Variants in CSGALNACT1 observed in about 807,000 individuals in gnomAD.
CSGALNACT1 encodes the protein chondroitin sulfate N-acetylgalactosaminyltransferase 1.
In CSGALNACT1, 52 loss-of-function variants were observed where a neutral mutation model predicts 51.0. The observed-to-expected ratio is 1.02, with a 90% CI of 0.82 to 1.29. The LOEUF (loss-of-function observed/expected upper bound fraction) is 1.29, where lower values mean the gene tolerates loss of function less well. Among genes scored for constraint, CSGALNACT1 ranks in the 50% most tolerant of loss-of-function variants. The pLI, the probability that CSGALNACT1 is intolerant of heterozygous loss-of-function variation, is 0.00. For synonymous variants in CSGALNACT1, 341 were observed against 254.4 expected, an observed-to-expected ratio of 1.34 and a Z score of -3.24; for missense variants, 935 against 679.2, an observed-to-expected ratio of 1.38 and a Z score of -4.19.
intron 1 of CSGALNACT1, among the ~76,000 whole-genome samples, chr8:19,694,416 A>G (rs555679620): frequency 1.3e-5 from 2 of 152,334 alleles, no homozygotes; most frequent in African/African-American, 4.8e-5. Context: ...TTAACAACCA[A>G]CCTTAGAAAG....
At chr8:19,554,460 T>C (rs995866554) in intron 3 of CSGALNACT1, among the ~76,000 whole-genome samples, 1 of 152,090 alleles carries the variant, frequency 6.6e-6, no homozygotes, top group Admixed American at 6.5e-5. Flanking sequence ...CACCTCTGGG[T>C]AATGAAGGAA....
intron 1 of CSGALNACT1, among the ~76,000 whole-genome samples, chr8:19,638,132 C>T (rs2154174603): frequency 6.6e-6 from 1 of 152,266 alleles, no homozygotes; most frequent in East Asian, 1.9e-4. Flanking sequence ...CTAGGAGACT[C>T]ATTTCTAGCT....
chr8:19,629,626 C>T (rs951473226), intron 1 of CSGALNACT1, among the ~76,000 whole-genome samples: 1 of 152,132 alleles, frequency 6.6e-6, no homozygotes, highest in African/African-American at 2.4e-5. Flanking sequence ...TGACACCAGC[C>T]CCCTACTCCA....
rs528554479 is a variant in CSGALNACT1 at position 19,576,358 on chromosome 8, A to G, written c.-297+14802T>C. On this transcript the variant is annotated intron_variant, in intron 3 of 9. Transcript: ENST00000454498. Reference sequence around the variant, plus strand: ...TACAGGCACACCTTCACACCTGGCTAATTTTTGTATTTTTAGTAGAGACGG... The same window carrying G: ...TACAGGCACACCTTCACACCTGGCTGATTTTTGTATTTTTAGTAGAGACGG... Among the ~76,000 whole-genome samples, 3 of 152,012 alleles carry G rather than the reference A, an allele frequency of 2.0e-5. No homozygotes were observed. In the East Asian group the frequency reaches 5.8e-4, roughly 29 times the overall value.
At chr8:19,644,100 A>C (rs562955746) in intron 1 of CSGALNACT1, among the ~76,000 whole-genome samples, 1 of 152,208 alleles carries the variant, frequency 6.6e-6, no homozygotes, top group African/African-American at 2.4e-5. Flanking sequence ...TCTAACATTA[A>C]AATTATGTTT....
At chr8:19,546,261 TG>T (rs1426533599) in intron 3 of CSGALNACT1, among the ~76,000 whole-genome samples, 1 of 152,216 alleles carries the variant, frequency 6.6e-6, no homozygotes, top group East Asian at 1.9e-4. Context: ...ATCGTGTTTT[TG>T]TAAGTAAGTT....
intron 6 of CSGALNACT1, among the ~76,000 whole-genome samples, chr8:19,421,342 C>G (rs1410245084): frequency 6.6e-6 from 1 of 152,238 alleles, no homozygotes; most frequent in Non-Finnish European, 1.5e-5. Flanking sequence ...ATTCGTTGTT[C>G]TTTCCCAGGG....
chr8:19,668,431 AATT>A (rs1438169445), intron 1 of CSGALNACT1, among the ~76,000 whole-genome samples: 1 of 152,260 alleles, frequency 6.6e-6, no homozygotes, highest in Non-Finnish European at 1.5e-5. Flanking sequence ...AAAACTAAAA[AATT>A]ATTAAGAAGT....
At chr8:19,429,825 C>A (rs2059377191) in intron 6 of CSGALNACT1, among the ~76,000 whole-genome samples, 1 of 152,192 alleles carries the variant, frequency 6.6e-6, no homozygotes, top group South Asian at 2.1e-4. Context: ...AGTGGCTGCA[C>A]CATTTTTCAT....
At chr8:19,711,548 C>T (rs2062504729) in intron 1 of CSGALNACT1, among the ~76,000 whole-genome samples, 1 of 152,174 alleles carries the variant, frequency 6.6e-6, no homozygotes, top group Admixed American at 6.6e-5. Context: ...GTATAACCCC[C>T]TAAATCAGCA....
upstream of CSGALNACT1, among the ~76,000 whole-genome samples, chr8:19,686,534 C>A (rs1453079631): frequency 1.3e-5 from 2 of 151,566 alleles, no homozygotes; most frequent in African/African-American, 2.4e-5. Context: ...TGTGCCTAGG[C>A]AGAGCCAATG....
At chr8:19,474,869 G>GAAA (rs10683237) in intron 4 of CSGALNACT1, among the ~76,000 whole-genome samples, 57,469 of 85,700 alleles carry the variant, frequency 0.67, 18,602 homozygotes, top group East Asian at 0.76. Flanking sequence ...CTCTGTCTCA[G>GAAA]AAAAAAAAAA....
chr8:19,577,102 AAAG>A (rs574619882), intron 3 of CSGALNACT1, among the ~76,000 whole-genome samples: 42 of 152,246 alleles, frequency 2.8e-4, no homozygotes, highest in African/African-American at 9.6e-4. Flanking sequence ...ATTCACAAAG[AAAG>A]AAGATCTCCT....
chr8:19,530,460 T>A (rs1170791309), intron 3 of CSGALNACT1, among the ~76,000 whole-genome samples: 1 of 152,244 alleles, frequency 6.6e-6, no homozygotes, highest in Admixed American at 6.5e-5. Context: ...TTTGCATTTA[T>A]GACTTAGTCT....
intron 5 of CSGALNACT1, among the ~76,000 whole-genome samples, chr8:19,452,545 C>T (rs1354844528): frequency 6.6e-6 from 1 of 152,076 alleles, no homozygotes; most frequent in African/African-American, 2.4e-5. Flanking sequence ...GAGCTGATGA[C>T]ATATATGCAT....
In CSGALNACT1 at chr8:19,745,404, C is replaced by T. The variant is rs10107191; in HGVS notation, c.-297+12446G>A. ...GTACATTTGGTTTTTGATACATGCT[C>T]ACAATGTGTAAATTATCAAATCAAG... is the stretch of plus-strand genomic sequence containing the variant. On this transcript the variant is annotated intron_variant, in intron 1 of 1. Coordinates refer to the CSGALNACT1 transcript ENST00000517494. Among the ~76,000 whole-genome samples, 865 of 152,268 alleles carry T rather than the reference C, an allele frequency of 5.7e-3. 5 individuals carry two copies. Among genetic ancestry groups the T allele is most frequent in the African/African-American group, 0.02 (820 of 41,548 alleles).
At chr8:19,676,777 TC>T (rs1320197169) in intron 1 of CSGALNACT1, among the ~76,000 whole-genome samples, 1 of 152,072 alleles carries the variant, frequency 6.6e-6, no homozygotes, top group Non-Finnish European at 1.5e-5. Context: ...AGAGAAACCA[TC>T]AACCCAGACA....
chr8:19,453,250 T>G (rs1445196129), intron 5 of CSGALNACT1, among the ~76,000 whole-genome samples: 1 of 152,024 alleles, frequency 6.6e-6, no homozygotes, highest in African/African-American at 2.4e-5. Context: ...TTTTAAAAAG[T>G]CCAAAGAGAA....
intron 3 of CSGALNACT1, among the ~76,000 whole-genome samples, chr8:19,543,456 T>C: frequency 6.6e-6 from 1 of 152,236 alleles, no homozygotes; most frequent in East Asian, 1.9e-4. Context: ...TGTTTTGCTG[T>C]GCCTAGACTG....
Sources: allele counts gnomAD v4.1 joint callset (sites outside exome capture counted in the v4.1 genomes callset), GRCh38; gene constraint gnomAD v4.1.1; transcripts MANE v1.5; gene names NCBI Gene and HGNC (gene_info 2026-07-23, HGNC 2026-07-21).